Variants in ERC2 observed in about 807,000 individuals in gnomAD.
ERC2 encodes the protein ELKS/RAB6-interacting/CAST family member 2.
A neutral mutation model predicts 114.8 loss-of-function variants in ERC2; 42 were observed. The observed-to-expected ratio is 0.37, with a 90% CI of 0.29 to 0.47. The LOEUF (loss-of-function observed/expected upper bound fraction) is 0.47, where lower values mean the gene tolerates loss of function less well. Among genes scored for constraint, ERC2 ranks in the 20% least tolerant of loss-of-function variants. The probability of loss-of-function intolerance (pLI) is 0.99; values close to 1 mark genes in which losing one functional copy is unlikely to be tolerated. For synonymous variants in ERC2, 454 were observed against 425.5 expected, an observed-to-expected ratio of 1.07 and a Z score of -0.82; for missense variants, 939 against 1,150.7, an observed-to-expected ratio of 0.82 and a Z score of 2.66.
intron 3 of ERC2, among the ~76,000 whole-genome samples, chr3:56,209,180 T>G (rs898460804): frequency 6.6e-6 from 1 of 152,164 alleles, no homozygotes; most frequent in Non-Finnish European, 1.5e-5. Context: ...AGATCACTGC[T>G]GATTTCAGTG....
intron 3 of ERC2, among the ~76,000 whole-genome samples, chr3:56,223,440 G>A (rs1575927710): frequency 2.0e-5 from 3 of 150,424 alleles, no homozygotes. Flanking sequence ...GCAAGAAAGT[G>A]GAAGCCACAT....
At chr3:55,929,652 G>T (rs1466234730) in intron 13 of ERC2, among the ~76,000 whole-genome samples, 2 of 152,230 alleles carry the variant, frequency 1.3e-5, no homozygotes, top group Non-Finnish European at 1.5e-5. Flanking sequence ...CAAATCACGT[G>T]TCTGACTGTA....
At chr3:56,083,657 C>T (rs2077355139) in intron 6 of ERC2, among the ~76,000 whole-genome samples, 1 of 151,902 alleles carries the variant, frequency 6.6e-6, no homozygotes, top group Non-Finnish European at 1.5e-5. Context: ...AAACAAAACA[C>T]CAACCTGGGA....
At chr3:55,518,888 T>C (rs759037039) in intron 17 of ERC2, among the ~76,000 whole-genome samples, 101 of 152,244 alleles carry the variant, frequency 6.6e-4, no homozygotes, top group Admixed American at 1.1e-3. Flanking sequence ...ATGATAGTCT[T>C]TCTTTTCTGA....
At chr3:55,780,706 T>C (rs1256205048) in intron 14 of ERC2, among the ~76,000 whole-genome samples, 1 of 152,238 alleles carries the variant, frequency 6.6e-6, no homozygotes, top group Non-Finnish European at 1.5e-5. Flanking sequence ...CACTCCTCTG[T>C]GGCACACGCC....
chr3:56,237,286 T>C (rs567487336), intron 3 of ERC2, among the ~76,000 whole-genome samples: 36 of 152,340 alleles, frequency 2.4e-4, no homozygotes, highest in South Asian at 8.3e-4. Flanking sequence ...ATGTGTTTAC[T>C]GCAAGAAGAA....
chr3:55,949,716 T>G (rs1042942655), intron 13 of ERC2, among the ~76,000 whole-genome samples: 15 of 152,248 alleles, frequency 9.9e-5, no homozygotes, highest in Non-Finnish European at 1.5e-4. Flanking sequence ...AACCAAAATT[T>G]AACATGAACT....
intron 11 of ERC2, among the ~76,000 whole-genome samples, chr3:55,988,946 C>T (rs764329776): frequency 2.7e-4 from 41 of 152,358 alleles, no homozygotes; most frequent in Admixed American, 8.5e-4. Context: ...ACATGTAGCA[C>T]AGCAGATAAT....
At chr3:55,868,198 C>T (rs1312367849) in intron 14 of ERC2, among the ~76,000 whole-genome samples, 2 of 152,218 alleles carry the variant, frequency 1.3e-5, no homozygotes, top group East Asian at 1.9e-4. Context: ...CTAAGTGGGA[C>T]GAGTGTGGTG....
chr3:56,330,923 G>A (rs928981764), intron 2 of ERC2, among the ~76,000 whole-genome samples: 5 of 152,056 alleles, frequency 3.3e-5, no homozygotes, highest in African/African-American at 4.8e-5. Flanking sequence ...GGTACTGTTC[G>A]GTCCGTTTTC....
chr3:56,085,261 T>A lies in ERC2; in HGVS notation c.1474-4277A>T, dbSNP rs6779576. ...TAAAGGTCAAAGGTGACAGGGAAGT[T>A]GGGGGAGTAGAGAGTTTTTCCAGTT... is the stretch of plus-strand genomic sequence containing the variant. On this transcript the variant is annotated intron_variant, in intron 6 of 17. Coordinates refer to ENST00000288221, the MANE Select transcript of ERC2 (RefSeq NM_015576.3). Among the ~76,000 whole-genome samples, 6 of 152,250 alleles carry A rather than the reference T, an allele frequency of 3.9e-5. No individual in the cohort carries two copies. In the East Asian group the frequency reaches 1.2e-3, roughly 30 times the overall value.
rs553229271 is a variant in ERC2, at chr3:55,745,937, C to T, written c.2565-11019G>A. Among the ~76,000 whole-genome samples, 15 of 152,216 alleles carry T rather than the reference C, an allele frequency of 9.9e-5. 1 individual carries two copies. In the East Asian group the frequency reaches 1.7e-3, roughly 18 times the overall value. On this transcript the variant is annotated intron_variant, in intron 14 of 17. Transcript: ENST00000288221. Reference sequence around the variant, plus strand: ...CTCTAAAAACAATATGTTTTAATTTCGCCTCTATTGTATATTTAAAGCTGC... The same window carrying T: ...CTCTAAAAACAATATGTTTTAATTTTGCCTCTATTGTATATTTAAAGCTGC...
At chr3:56,384,639 C>A (rs1167871391) in intron 2 of ERC2, among the ~76,000 whole-genome samples, 1 of 152,096 alleles carries the variant, frequency 6.6e-6, no homozygotes, top group Non-Finnish European at 1.5e-5. Context: ...CAAATATTTT[C>A]TCCCATTCTG....
chr3:55,847,107 G>C (rs1244212655), intron 14 of ERC2, among the ~76,000 whole-genome samples: 1 of 152,070 alleles, frequency 6.6e-6, no homozygotes, highest in Non-Finnish European at 1.5e-5. Context: ...TCTAACAAAG[G>C]ATATATATCT....
chr3:56,138,890 A>C (rs2080682271), intron 6 of ERC2, among the ~76,000 whole-genome samples: 1 of 152,214 alleles, frequency 6.6e-6, no homozygotes, highest in East Asian at 1.9e-4. Flanking sequence ...TGTTCTTCTA[A>C]GCATGAATAA....
chr3:56,213,571 T>C (rs974702504), intron 3 of ERC2, among the ~76,000 whole-genome samples: 9 of 152,194 alleles, frequency 5.9e-5, no homozygotes, highest in African/African-American at 1.9e-4. Flanking sequence ...CCTGCCTCTG[T>C]AGACTCTGCC....
intron 14 of ERC2, among the ~76,000 whole-genome samples, chr3:55,819,277 C>A (rs189720432): frequency 3.9e-4 from 59 of 152,312 alleles, no homozygotes; most frequent in African/African-American, 1.4e-3. Context: ...AAAACCTCGA[C>A]TTGTGACAAG....
At chr3:56,075,652 G>A (rs1389773311) in intron 7 of ERC2, among the ~76,000 whole-genome samples, 1 of 152,156 alleles carries the variant, frequency 6.6e-6, no homozygotes, top group Non-Finnish European at 1.5e-5. Flanking sequence ...CTTGAGGACT[G>A]GAGATTGTCT....
intron 13 of ERC2, among the ~76,000 whole-genome samples, chr3:55,893,543 A>C (rs1040890214): frequency 2.0e-5 from 3 of 152,098 alleles, no homozygotes; most frequent in Non-Finnish European, 4.4e-5. Flanking sequence ...ACCCGTGTAC[A>C]CCTGCCTAAA....
Sources: allele counts gnomAD v4.1 joint callset (sites outside exome capture counted in the v4.1 genomes callset), GRCh38; gene constraint gnomAD v4.1.1; transcripts MANE v1.5; gene names NCBI Gene and HGNC (gene_info 2026-07-23, HGNC 2026-07-21).